MED27: variants seen among roughly 807,000 people sequenced by gnomAD.
MED27 encodes mediator complex subunit 27, also known as mediator of RNA polymerase II transcription subunit 27.
Under a neutral mutation model 38.2 loss-of-function variants are expected in MED27, and 30 were observed. The observed-to-expected ratio is 0.79, with a 90% CI of 0.59 to 1.07. The LOEUF (loss-of-function observed/expected upper bound fraction) is 1.07, where lower values mean the gene tolerates loss of function less well. MED27 is among the 50% of genes least tolerant of loss of function. The pLI is 0.00. For synonymous variants in MED27, 122 were observed against 153.5 expected (o/e 0.79, Z 1.52); for missense variants, 289 against 397.5 (o/e 0.73, Z 2.32).
At chr9:132,071,493 TAC>T (rs1833935707) in intron 2 of MED27, among the ~76,000 whole-genome samples, 1 of 150,238 alleles carries the variant, frequency 6.7e-6, no homozygotes, top group African/African-American at 2.5e-5. Flanking sequence ...TCCATACACG[TAC>T]GAGTAACACT....
chr9:132,038,030 G>A (rs946469401), intron 2 of MED27, among the ~76,000 whole-genome samples: 2 of 152,002 alleles, frequency 1.3e-5, no homozygotes, highest in African/African-American at 2.4e-5. Context: ...ACAATTGGGA[G>A]GGTGTATGTC....
intron 3 of MED27, among the ~76,000 whole-genome samples, chr9:131,980,256 T>C (rs1450649648): frequency 2.0e-5 from 3 of 152,060 alleles, no homozygotes; most frequent in African/African-American, 7.2e-5. Flanking sequence ...TAAGAGCAGT[T>C]GCTCTAAGCA....
In MED27 at chr9:131,913,323, AG is replaced by A; in HGVS notation, c.574-19332del. 6.6e-6 allele frequency among the ~76,000 whole-genome samples: 1 copy of A among 152,362 alleles called. No homozygotes were observed. The highest frequency in any genetic ancestry group is 2.1e-4 in the South Asian group (1 of 4,822). On this transcript the variant is annotated intron_variant, in intron 4 of 7. Transcript: ENST00000292035. This position sits in a 1 kb window ranked among gnomAD's most constrained non-coding sequence, Gnocchi z 4.5. ...TTTCATGGATCTCACTTCAAATCCC[AG>A]CTGTACCACTTAATGTGACCTTGAA... is the stretch of plus-strand genomic sequence containing the variant.
chr9:131,935,866 T>C (rs766151992), intron 4 of MED27, among the ~76,000 whole-genome samples: 1 of 151,836 alleles, frequency 6.6e-6, no homozygotes, highest in Admixed American at 6.6e-5. Context: ...TAAGAAAAAA[T>C]TGGCCAGGTA....
In MED27 at chr9:132,051,108, GAC is replaced by G. The variant is rs1184848572; in HGVS notation, c.348+26332_348+26333del. 6.6e-6 allele frequency among the ~76,000 whole-genome samples: 1 copy of G among 152,170 alleles called. No homozygotes were observed. Among genetic ancestry groups the G allele is most frequent in the Non-Finnish European group, 1.5e-5 (1 of 68,038 alleles). ...CATCCTTTTTCAAATGAAGTGTCAA[GAC>G]ACAGCAGTTTTTGTAATCAATTATG... is the stretch of plus-strand genomic sequence containing the variant. On this transcript the variant is annotated intron_variant, in intron 2 of 7. Transcript: ENST00000292035. The surrounding 1 kb of genome is among the most constrained non-coding windows in gnomAD (Gnocchi z 4.2).
At chr9:131,869,277 G>T in intron 6 of MED27, 5 of 985,080 alleles carry the variant, frequency 5.1e-6, no homozygotes, top group Non-Finnish European at 6.0e-6. Flanking sequence ...CACCTACAGT[G>T]ATCTTCCGTC....
At chr9:132,027,925 C>A (rs1203433980) in intron 2 of MED27, among the ~76,000 whole-genome samples, 1 of 152,198 alleles carries the variant, frequency 6.6e-6, no homozygotes, top group Non-Finnish European at 1.5e-5. Flanking sequence ...GTACTGGGCA[C>A]AGCACCCATG....
chr9:131,889,935 C>T lies in MED27; in HGVS notation c.681+3950G>A, dbSNP rs180768297. 7.1e-3 allele frequency among the ~76,000 whole-genome samples: 1,074 copies of T among 152,270 alleles called. 7 individuals are homozygous for T. Among genetic ancestry groups the T allele is most frequent in the Non-Finnish European group, 0.011 (780 of 68,010 alleles). ...GCACCAACTCAGCAAACGCAGGCTG[C>T]GTCCCGGGAGCAGCGACGTCTCCAG... On this transcript the variant is annotated intron_variant, in intron 5 of 7. Coordinates refer to ENST00000292035, the MANE Select transcript of MED27 (RefSeq NM_004269.4). This position sits in a 1 kb window ranked among gnomAD's most constrained non-coding sequence, Gnocchi z 4.2.
intron 3 of MED27, among the ~76,000 whole-genome samples, chr9:131,965,219 G>A (rs925817117): frequency 2.0e-5 from 3 of 152,198 alleles, no homozygotes; most frequent in Non-Finnish European, 4.4e-5. Context: ...TACAGCCCAG[G>A]AAACACTTAC....
chr9:131,876,382 A>T (rs1022949464), intron 6 of MED27, among the ~76,000 whole-genome samples: 3 of 152,162 alleles, frequency 2.0e-5, no homozygotes, highest in African/African-American at 7.2e-5. Context: ...GTTCAATTTT[A>T]GCCATAAAAC....
chr9:131,860,942 C>T lies in MED27; in HGVS notation c.802-270G>A, dbSNP rs1292303242. Among the ~76,000 whole-genome samples the T allele has an allele frequency of 1.3e-5, 2 of 152,220 alleles. No homozygotes were observed. Among genetic ancestry groups the T allele is most frequent in the South Asian group, 2.1e-4 (1 of 4,812 alleles). The stretch of plus-strand genomic sequence containing the variant: ...AGCAGGAAGGCCTCCCTGGAGTCCC[C>T]GTGAACCACCGAGCAGCCTGGTGGT... On this transcript the variant is annotated intron_variant, in intron 7 of 7. Coordinates refer to ENST00000292035, the MANE Select transcript of MED27 (RefSeq NM_004269.4). This position sits in a 1 kb window ranked among gnomAD's most constrained non-coding sequence, Gnocchi z 5.8.
intron 3 of MED27, among the ~76,000 whole-genome samples, chr9:131,980,466 C>G (rs1474469345): frequency 6.6e-6 from 1 of 152,184 alleles, no homozygotes. Context: ...GCACCCCTCA[C>G]GGACACAGCA....
rs186327075 is a variant in MED27 at position 132,006,807 on chromosome 9, C to T, written c.479+7530G>A. On this transcript the variant is annotated intron_variant, in intron 3 of 7. Transcript: ENST00000292035. Reference sequence around the variant, plus strand: ...TTAAACAGCAATGACGATCACCCCCCCTTCATGCATCACTATTGCCAAAGA... The same window carrying T: ...TTAAACAGCAATGACGATCACCCCCTCTTCATGCATCACTATTGCCAAAGA... Among the ~76,000 whole-genome samples the T allele has an allele frequency of 1.3e-3, 199 of 152,306 alleles. 1 individual carries two copies. The highest frequency in any genetic ancestry group is 6.8e-3 in the Middle Eastern group (2 of 294).
chr9:132,072,062 AAC>A, intron 2 of MED27, among the ~76,000 whole-genome samples: 1 of 152,290 alleles, frequency 6.6e-6, no homozygotes, highest in East Asian at 1.9e-4. Context: ...GCACTTGCGT[AAC>A]ACACACCCCA....
chr9:132,029,567 A>C (rs1832904802), intron 2 of MED27, among the ~76,000 whole-genome samples: 1 of 152,226 alleles, frequency 6.6e-6, no homozygotes, highest in South Asian at 2.1e-4. Context: ...GAAAGGGAGA[A>C]AATTAACTCA....
intron 4 of MED27, among the ~76,000 whole-genome samples, chr9:131,931,453 A>G (rs893451228): frequency 1.3e-5 from 2 of 152,180 alleles, no homozygotes; most frequent in African/African-American, 4.8e-5. Flanking sequence ...CAAAACAACC[A>G]GAAAACAGCA....
intron 2 of MED27, among the ~76,000 whole-genome samples, chr9:132,046,246 A>C (rs1432637853): frequency 6.6e-6 from 1 of 152,258 alleles, no homozygotes; most frequent in East Asian, 1.9e-4. Flanking sequence ...GGTAAACTGC[A>C]GTGGTTCACC....
intron 3 of MED27, among the ~76,000 whole-genome samples, chr9:131,985,232 T>C (rs769452581): frequency 6.6e-6 from 1 of 152,178 alleles, no homozygotes; most frequent in African/African-American, 2.4e-5. Flanking sequence ...GACTCTGGCA[T>C]CCCCTTTCTT....
rs186276379 is a variant in MED27 at position 132,051,834 on chromosome 9, A to G, written c.348+25608T>C. On this transcript the variant is annotated intron_variant, in intron 2 of 7. Transcript: ENST00000292035. This position sits in a 1 kb window ranked among gnomAD's most constrained non-coding sequence, Gnocchi z 4.2. The stretch of plus-strand genomic sequence containing the variant: ...GCTCTGATCCCAGAAAATATGTCAC[A>G]TATCACATTAAAACCAGAAGAATCC... 6.6e-6 allele frequency among the ~76,000 whole-genome samples: 1 copy of G among 152,212 alleles called. No individual in the cohort carries two copies. Among genetic ancestry groups the G allele is most frequent in the Admixed American group, 6.5e-5 (1 of 15,290 alleles).
Sources: allele counts gnomAD v4.1 joint callset (sites outside exome capture counted in the v4.1 genomes callset), GRCh38; gene constraint gnomAD v4.1.1; non-coding constraint Gnocchi (gnomAD v3.1); transcripts MANE v1.5; gene names NCBI Gene and HGNC (gene_info 2026-07-23, HGNC 2026-07-21).